DPH5: variants seen among roughly 807,000 people sequenced by gnomAD.
The protein encoded by DPH5 is diphthine methyl ester synthase.
In DPH5, 31 loss-of-function variants were observed where a neutral mutation model predicts 31.6. That is an observed-to-expected ratio of 0.98 (90% CI 0.74 to 1.32). DPH5 has a LOEUF of 1.32. Among genes scored for constraint, DPH5 ranks in the 40% most tolerant of loss-of-function variants. The pLI is 0.00. For missense variants in DPH5, 309 were observed against 335.7 expected (o/e 0.92, Z 0.62); for synonymous variants, 120 against 115.0 (o/e 1.04, Z -0.28).
chr1:101,004,513 T>A (rs1659085730), intron 4 of DPH5, among the ~76,000 whole-genome samples: 1 of 152,212 alleles, frequency 6.6e-6, no homozygotes. Context: ...TTTTAAATTT[T>A]AACCTGGAGT....
chr1:101,008,357 T>C (rs1169061538), intron 4 of DPH5, among the ~76,000 whole-genome samples: 2 of 152,218 alleles, frequency 1.3e-5, no homozygotes, highest in Non-Finnish European at 2.9e-5. Flanking sequence ...CATCATGGTG[T>C]GGTTTGAAAA....
chr1:101,014,961 C>T (rs929018033), intron 3 of DPH5, among the ~76,000 whole-genome samples: 17 of 152,194 alleles, frequency 1.1e-4, no homozygotes, highest in African/African-American at 4.1e-4. Context: ...TCAGGCTCCA[C>T]TTCTAATTCT....
chr1:100,991,837 C>G (rs1657760260), intron 7 of DPH5, among the ~76,000 whole-genome samples: 1 of 149,394 alleles, frequency 6.7e-6, no homozygotes, highest in Non-Finnish European at 1.5e-5. Context: ...TGGTTCACAC[C>G]TGTAATCCCA....
chr1:101,025,282 G>C, intron 2 of DPH5, 27 bp downstream of exon 2: 2 of 1,611,384 alleles, frequency 1.2e-6, no homozygotes, highest in Non-Finnish European at 1.7e-6. Flanking sequence ...TTTCTTCCCA[G>C]GAGGCTGGGG....
At chr1:100,992,230 C>T (rs1657818399) in intron 7 of DPH5, among the ~76,000 whole-genome samples, 1 of 151,918 alleles carries the variant, frequency 6.6e-6, no homozygotes, top group African/African-American at 2.4e-5. Context: ...GAAAACTATT[C>T]CTAGTCTCAA....
rs201428929 is a variant in DPH5, at chr1:100,999,194, AAGCCC to A, written c.490+2268_490+2272del. Among the ~76,000 whole-genome samples the A allele has an allele frequency of 8.0e-3, 1,215 of 152,362 alleles. 12 individuals carry two copies. The highest frequency in any genetic ancestry group is 0.028 in the African/African-American group (1,152 of 41,580). Reference sequence around the variant, plus strand: ...GCCAGGCACCGTGGTTCACTCATCTAAGCCCAGCACTTTGGGGGGCCAAGGTAGGT... The same window carrying A: ...GCCAGGCACCGTGGTTCACTCATCTAAGCACTTTGGGGGGCCAAGGTAGGT... On this transcript the variant is annotated intron_variant, in intron 5 of 7. Coordinates refer to ENST00000370109, the MANE Select transcript of DPH5 (RefSeq NM_015958.3).
At chr1:101,013,453 T>C (rs1659842414) in intron 4 of DPH5, among the ~76,000 whole-genome samples, 1 of 152,192 alleles carries the variant, frequency 6.6e-6, no homozygotes, top group African/African-American at 2.4e-5. Flanking sequence ...ATATTTTCCT[T>C]TTTATGTAAG....
chr1:100,997,774 T>C (rs1225876759), intron 5 of DPH5, among the ~76,000 whole-genome samples: 1 of 152,190 alleles, frequency 6.6e-6, no homozygotes, highest in Non-Finnish European at 1.5e-5. Context: ...ATAAAACATA[T>C]ATTCTAGTAT....
intron 4 of DPH5, among the ~76,000 whole-genome samples, chr1:101,002,194 C>G (rs1658922086): frequency 6.6e-6 from 1 of 152,124 alleles, no homozygotes; most frequent in African/African-American, 2.4e-5. Context: ...GGATGAGGGC[C>G]TTTTTCCAAA....
rs1657553233 is a variant in DPH5, at chr1:100,990,347, C to T, written c.*61G>A. ...AGATGAGACTTGGGTGGGGATACAT[C>T]CAAACCATATCAATCCATATATGGC... On this transcript the variant is annotated 3_prime_UTR_variant, in exon 8 of 8. Transcript: ENST00000370109. 1 of 1,504,412 alleles carries T rather than the reference C, an allele frequency of 6.6e-7. No homozygotes were observed. Among genetic ancestry groups the T allele is most frequent in the Admixed American group, 1.7e-5 (1 of 59,612 alleles). 93.2% of individuals were successfully genotyped at this position (1,504,412 alleles called of 1,614,324 possible).
At chr1:101,004,684 T>C (rs1375431332) in intron 4 of DPH5, among the ~76,000 whole-genome samples, 1 of 152,198 alleles carries the variant, frequency 6.6e-6, no homozygotes, top group African/African-American at 2.4e-5. Flanking sequence ...TATTATTAAA[T>C]ATGCTATAGA....
intron 6 of DPH5, among the ~76,000 whole-genome samples, chr1:100,993,254 A>G (rs1272381830): frequency 6.6e-6 from 1 of 152,070 alleles, no homozygotes; most frequent in Non-Finnish European, 1.5e-5. Context: ...CATATTAACA[A>G]AAATATAGCC....
Position 100,990,555 on chromosome 1 carries a change from T to TA in DPH5, c.710dup (p.Leu237PhefsTer40), listed in dbSNP as rs1372145671. On this transcript the variant is annotated frameshift_variant, in exon 8 of 8. Transcript: ENST00000370109. LOFTEE classifies it high-confidence loss of function. ...CCAAGTCCACAGTGCACATTTGCCTTAAAGTGCCTGCTGCAATTTTCTGGT... is the reference window on the plus strand; with the variant it reads ...CCAAGTCCACAGTGCACATTTGCCTTAAAAGTGCCTGCTGCAATTTTCTGGT... 3 of 1,614,034 alleles carry TA rather than the reference T, an allele frequency of 1.9e-6. No homozygotes were observed.
At chr1:100,997,869 C>T (rs1658508752) in intron 5 of DPH5, among the ~76,000 whole-genome samples, 2 of 152,168 alleles carry the variant, frequency 1.3e-5, no homozygotes, top group Admixed American at 6.5e-5. Context: ...ATCCTTCGCC[C>T]GTCATCTACT....
chr1:100,994,397 G>C (rs1018084950), intron 6 of DPH5, among the ~76,000 whole-genome samples: 1 of 152,076 alleles, frequency 6.6e-6, no homozygotes, highest in Non-Finnish European at 1.5e-5. Flanking sequence ...AAGTGGGTAG[G>C]GGGTACTGTA....
intron 4 of DPH5, among the ~76,000 whole-genome samples, chr1:101,003,684 A>G (rs1392621252): frequency 1.3e-5 from 2 of 152,238 alleles, no homozygotes; most frequent in Non-Finnish European, 2.9e-5. Context: ...TGATGATATA[A>G]TAATGATAAT....
intron 4 of DPH5, among the ~76,000 whole-genome samples, chr1:101,009,018 G>C (rs150299835): frequency 1.9e-3 from 286 of 152,136 alleles, no homozygotes; most frequent in African/African-American, 6.7e-3. Context: ...TTTGCCTTTT[G>C]GGGACACTTC....
chr1:101,014,927 G>C (rs776140965), intron 3 of DPH5, among the ~76,000 whole-genome samples: 10 of 152,162 alleles, frequency 6.6e-5, no homozygotes, highest in Non-Finnish European at 1.5e-4. Context: ...TTTATCCTAA[G>C]ATTGAAGTAA....
Position 101,025,290 on chromosome 1 carries a change from G to A in DPH5, c.135+19C>T. The A allele has an allele frequency of 6.2e-7, 1 of 1,612,214 alleles. No individual in the cohort carries two copies. The highest frequency in any genetic ancestry group is 8.5e-7 in the Non-Finnish European group (1 of 1,179,386). ...AGATAGCTTTCTTCCCAGGAGGCTG[G>A]GGAACGCTCAGCACCTACCAAGGCT... On this transcript the variant is annotated intron_variant, in intron 2 of 7. Coordinates refer to ENST00000370109, the MANE Select transcript of DPH5 (RefSeq NM_015958.3).
Sources: allele counts gnomAD v4.1 joint callset (sites outside exome capture counted in the v4.1 genomes callset), GRCh38; gene constraint gnomAD v4.1.1; transcripts MANE v1.5; gene names NCBI Gene and HGNC (gene_info 2026-07-23, HGNC 2026-07-21).